NLN: variants seen among roughly 807,000 people sequenced by gnomAD.
NLN encodes the protein neurolysin, also known as neurolysin, mitochondrial.
Under a neutral mutation model 79.9 loss-of-function variants are expected in NLN, and 64 were observed. The ratio of observed to expected loss-of-function variants is 0.80; its 90% CI spans 0.65 to 0.99. The LOEUF (loss-of-function observed/expected upper bound fraction) is 0.99, where lower values mean the gene tolerates loss of function less well. Ranked by LOEUF, NLN falls within the 50% of genes least tolerant of loss-of-function variation. NLN has a pLI of 0.00. For synonymous variants in NLN, 267 were observed against 296.6 expected, an observed-to-expected ratio of 0.90 and a Z score of 1.02; for missense variants, 835 against 858.7, an observed-to-expected ratio of 0.97 and a Z score of 0.34.
intron 1 of NLN, among the ~76,000 whole-genome samples, chr5:65,755,986 G>A (rs1406845238): frequency 6.6e-6 from 1 of 152,086 alleles, no homozygotes. Flanking sequence ...AGTCTGACCT[G>A]TACCCCTGCT....
intron 12 of NLN, 132 bp downstream of exon 12, chr5:65,812,523 G>T (rs1177664368): frequency 4.8e-6 from 3 of 621,540 alleles, no homozygotes; most frequent in East Asian, 5.4e-5. Context: ...CTGAGGCCCT[G>T]CATCTTTCAA....
chr5:65,774,729 ATTT>A (rs68122704), intron 3 of NLN, among the ~76,000 whole-genome samples: 58 of 135,590 alleles, frequency 4.3e-4, no homozygotes, highest in African/African-American at 1.4e-3. Flanking sequence ...ATATATATAT[ATTT>A]TTTTTTTTTT....
chr5:65,781,025 G>T (rs1030169460), intron 5 of NLN, among the ~76,000 whole-genome samples: 4 of 152,106 alleles, frequency 2.6e-5, no homozygotes, highest in African/African-American at 9.7e-5. Context: ...AACATCATTT[G>T]CACAAGTTTA....
At chr5:65,812,130 G>C in intron 11 of NLN, 125 bp from the exon 12 acceptor site, 3 of 768,832 alleles carry the variant, frequency 3.9e-6, no homozygotes, top group Non-Finnish European at 4.6e-6. Flanking sequence ...GAGTACTAGA[G>C]GTGAGATCAT....
chr5:65,795,242 G>C (rs1178886121), intron 9 of NLN, among the ~76,000 whole-genome samples: 2 of 152,028 alleles, frequency 1.3e-5, no homozygotes, highest in Non-Finnish European at 2.9e-5. Context: ...GCTTTGCAAG[G>C]CTAGGCATGG....
intron 9 of NLN, among the ~76,000 whole-genome samples, chr5:65,807,167 AC>A (rs1421992240): frequency 8.4e-6 from 1 of 119,382 alleles, no homozygotes; most frequent in African/African-American, 3.4e-5. Context: ...ACAGAGCAAG[AC>A]CCTGTCTCAA....
chr5:65,733,515 A>G (rs1341666822), intron 1 of NLN: 2 of 1,422,658 alleles, frequency 1.4e-6, no homozygotes, highest in Non-Finnish European at 2.0e-6. Flanking sequence ...CAATTGGGAG[A>G]TCCTTGCCCC....
Position 65,809,498 on chromosome 5 carries a change from C to CT in NLN, c.1528-16dup. The stretch of plus-strand genomic sequence containing the variant: ...TCATTGAGTTCTTTAAAAAAATTCT[C>CT]TGTGTTTGCTTTCTAGACTGATTTT... On this transcript the variant is annotated splice_polypyrimidine_tract_variant and intron_variant, in intron 9 of 12. Transcript: ENST00000380985. The CT allele has an allele frequency of 6.4e-7, 1 of 1,565,178 alleles. No individual in the cohort carries two copies. The highest frequency in any genetic ancestry group is 8.6e-7 in the Non-Finnish European group (1 of 1,160,274).
Position 65,788,480 on chromosome 5 carries a change from C to G in NLN, c.1321C>G (p.Pro441Ala). 1.2e-6 allele frequency: 2 copies of G among 1,612,362 alleles called. No individual in the cohort carries two copies. Among genetic ancestry groups the G allele is most frequent in the South Asian group, 1.1e-5 (1 of 90,900 alleles). ...VLGQFYLDLY[P>A]REGKYNHAAC... is the part of the protein sequence containing the mutation. ...GGGACAGTTCTATTTGGACCTCTAT[C>G]CAAGGTACTGAGGATCACGTTGTTG... Residue 441 changes from proline (P) to alanine (A), a missense_variant, in exon 8 of 13, where the codon CCA (proline) becomes GCA (alanine). Transcript: ENST00000380985.
rs974209931 is a variant in NLN at position 65,828,862 on chromosome 5, G to A, written c.*5947G>A. ...TGAAAACTGGCATTCAGATGATTGC[G>A]GCTCCCCCATACTGTAGGAATATTG... On this transcript the variant is annotated 3_prime_UTR_variant, in exon 13 of 13. Transcript: ENST00000380985. 5 of 152,108 alleles carry A rather than the reference G, an allele frequency of 3.3e-5. No individual in the cohort carries two copies. Among genetic ancestry groups the A allele is most frequent in the East Asian group, 3.8e-4 (2 of 5,198 alleles). 9.4% of individuals were successfully genotyped at this position (152,108 alleles called of 1,614,324 possible). A position where few individuals can be genotyped will look rare whatever the true frequency, so the allele number is the denominator to read the frequency against.
chr5:65,753,376 C>T (rs551537498), intron 1 of NLN, among the ~76,000 whole-genome samples: 4 of 152,186 alleles, frequency 2.6e-5, no homozygotes, highest in Admixed American at 6.5e-5. Flanking sequence ...AGGCTGGGCA[C>T]GGTGGCTCAT....
At position 65,788,474 on chromosome 5, in the gene NLN, C is replaced by A. The variant is rs1253210220; in HGVS notation, c.1315C>A (p.Leu439Ile). The A allele has an allele frequency of 6.2e-7, 1 of 1,612,938 alleles. No individual in the cohort carries two copies. The highest frequency in any genetic ancestry group is 1.7e-5 in the Admixed American group (1 of 60,000). The change falls in exon 8 of 13, where the codon CTC becomes ATC. Residue 439 changes from leucine (L) to isoleucine (I), a missense_variant. Physicochemically the swap from Leu to Ile is conservative, Grantham distance 5 (BLOSUM62 2). Coordinates refer to ENST00000380985, the MANE Select transcript of NLN (RefSeq NM_020726.5). ...AGTATTGGGACAGTTCTATTTGGAC[C>A]TCTATCCAAGGTACTGAGGATCACG... is the stretch of plus-strand genomic sequence containing the variant. ...GEVLGQFYLD[L>I]YPREGKYNHA...
intron 1 of NLN, among the ~76,000 whole-genome samples, chr5:65,727,357 A>ATAG (rs1758499689): frequency 6.6e-6 from 1 of 152,096 alleles, no homozygotes; most frequent in Non-Finnish European, 1.5e-5. Flanking sequence ...GTTTGTAGAG[A>ATAG]TAGGATCTTG....
At chr5:65,778,003 A>G (rs1010745740) in intron 4 of NLN, among the ~76,000 whole-genome samples, 6 of 152,058 alleles carry the variant, frequency 3.9e-5, no homozygotes, top group South Asian at 2.1e-4. Flanking sequence ...TGTTGAGCTT[A>G]TTTTCCCTTC....
At chr5:65,763,539 T>G (rs975338687) in intron 3 of NLN, among the ~76,000 whole-genome samples, 1 of 152,166 alleles carries the variant, frequency 6.6e-6, no homozygotes, top group African/African-American at 2.4e-5. Flanking sequence ...TTTTCAAGAC[T>G]TGGGGAAATT....
In NLN at chr5:65,788,326, C is replaced by T; in HGVS notation, c.1167C>T (p.Val389=). The part of the protein sequence containing the change: ...FLKEYFPIEV[V]TEGLLNTYQE... ...AGGAATACTTCCCAATTGAGGTGGT[C>T]ACTGAAGGCTTGCTGAACACCTACC... The change falls in exon 8 of 13, where the codon GTC becomes GTT. Residue 389 remains valine, a synonymous_variant. Coordinates refer to ENST00000380985, the MANE Select transcript of NLN (RefSeq NM_020726.5). 6.2e-7 allele frequency: 1 copy of T among 1,614,114 alleles called. No homozygotes were observed. Among genetic ancestry groups the T allele is most frequent in the Non-Finnish European group, 8.5e-7 (1 of 1,179,998 alleles).
In NLN at chr5:65,724,793, CT is replaced by C. The variant is rs1002951301; in HGVS notation, c.41+2389del. On this transcript the variant is annotated intron_variant, in intron 1 of 12. Coordinates refer to ENST00000380985, the MANE Select transcript of NLN (RefSeq NM_020726.5). ...AGTTATCCTAGGAGTGGCATTGTTT[CT>C]TTTTTTTTTCTTTTTTTTTTTTTTT... Among the ~76,000 whole-genome samples, 76 of 139,890 alleles carry C rather than the reference CT, an allele frequency of 5.4e-4. 1 individual carries two copies. Among genetic ancestry groups the C allele is most frequent in the Non-Finnish European group, 1.7e-4 (11 of 64,342 alleles). The allele number at this position is 139,890 out of a possible 152,430, so 91.8% of individuals were successfully genotyped here. A position where few individuals can be genotyped will look rare whatever the true frequency, so the allele number is the denominator to read the frequency against.
intron 1 of NLN, 36 bp downstream of exon 1, chr5:65,722,450 C>T: frequency 1.3e-6 from 2 of 1,555,580 alleles, no homozygotes; most frequent in South Asian, 1.2e-5. Context: ...TGGCCGTGGG[C>T]AGGGCGGGGT....
intron 1 of NLN, among the ~76,000 whole-genome samples, chr5:65,738,930 A>ATATATAAATATATATAT (rs1758797387): frequency 1.0e-5 from 1 of 96,370 alleles, no homozygotes; most frequent in African/African-American, 4.0e-5. Flanking sequence ...ATATGTGTGT[A>ATATATAAATATATATAT]TATATATTTT....
Sources: gnomAD v4.1 joint callset for allele counts (sites outside exome capture counted in the v4.1 genomes callset) on GRCh38, gnomAD v4.1.1 for gene constraint, MANE v1.5 for transcripts, NCBI Gene and HGNC (gene_info 2026-07-23, HGNC 2026-07-21) for gene names.